LRRC4C: variants seen among roughly 807,000 people sequenced by gnomAD.
The protein encoded by LRRC4C is leucine-rich repeat-containing protein 4C.
Under a neutral mutation model 33.6 loss-of-function variants are expected in LRRC4C, and 5 were observed. That is an observed-to-expected ratio of 0.15 (90% CI 0.08 to 0.31). The LOEUF is 0.31. Ranked by LOEUF, LRRC4C falls within the 10% of genes least tolerant of loss-of-function variation. The pLI, the probability that LRRC4C is intolerant of heterozygous loss-of-function variation, is 1.00. For missense variants in LRRC4C, 560 were observed against 796.7 expected (o/e 0.70, Z 3.58); for synonymous variants, 329 against 302.0 (o/e 1.09, Z -0.93).
intron 2 of LRRC4C, among the ~76,000 whole-genome samples, chr11:40,910,500 C>T (rs902667968): frequency 3.3e-5 from 5 of 152,282 alleles, no homozygotes; most frequent in African/African-American, 9.6e-5. Context: ...GCAAATACGC[C>T]TTTGATGAAA....
At chr11:41,454,331 CTTG>C (rs1956115172) in intron 1 of LRRC4C, among the ~76,000 whole-genome samples, 1 of 152,092 alleles carries the variant, frequency 6.6e-6, no homozygotes, top group Non-Finnish European at 1.5e-5. Flanking sequence ...AATCTTAATT[CTTG>C]TTAACTATCA....
intron 2 of LRRC4C, among the ~76,000 whole-genome samples, chr11:40,872,520 T>A (rs1171080538): frequency 1.3e-5 from 2 of 152,128 alleles, no homozygotes. Context: ...GTAAAGTGAA[T>A]AATTTTCGAC....
intron 1 of LRRC4C, among the ~76,000 whole-genome samples, chr11:41,302,842 A>G (rs1006450654): frequency 1.3e-5 from 2 of 152,044 alleles, no homozygotes; most frequent in Non-Finnish European, 2.9e-5. Context: ...ACAATTGCCC[A>G]CTATACTCCC....
chr11:40,890,685 A>T (rs1267392102), intron 2 of LRRC4C, among the ~76,000 whole-genome samples: 3 of 152,088 alleles, frequency 2.0e-5, no homozygotes, highest in Non-Finnish European at 4.4e-5. Context: ...AAAATACAGA[A>T]TGGGATTCCC....
Position 40,179,608 on chromosome 11 carries a change from G to A in LRRC4C, c.-95-38755C>T, listed in dbSNP as rs143010614. Among the ~76,000 whole-genome samples the A allele has an allele frequency of 1.2e-3, 176 of 152,256 alleles. 3 individuals carry two copies. In the East Asian group the frequency reaches 0.032, roughly 28 times the overall value. On this transcript the variant is annotated intron_variant, in intron 5 of 6. Transcript: ENST00000528697. The stretch of plus-strand genomic sequence containing the variant: ...TTGTCTTCTTCTCCCCGGAGACTGA[G>A]TGCTTCTCAAGGGCAGGGCCATAGG...
intron 1 of LRRC4C, among the ~76,000 whole-genome samples, chr11:41,400,202 T>A (rs1198889423): frequency 6.6e-6 from 1 of 151,940 alleles, no homozygotes; most frequent in Admixed American, 6.6e-5. Flanking sequence ...TTAGTTTTAG[T>A]AAGAGTAAAA....
chr11:40,407,734 GC>G (rs1950011744), intron 3 of LRRC4C, among the ~76,000 whole-genome samples: 1 of 151,964 alleles, frequency 6.6e-6, no homozygotes, highest in African/African-American at 2.4e-5. Context: ...ATATGGTTAG[GC>G]AATTTAAACC....
chr11:40,581,197 C>T (rs932243719), intron 3 of LRRC4C, among the ~76,000 whole-genome samples: 7 of 152,194 alleles, frequency 4.6e-5, no homozygotes, highest in Non-Finnish European at 8.8e-5. Context: ...CATCGAATGT[C>T]AACATGTTCA....
intron 1 of LRRC4C, among the ~76,000 whole-genome samples, chr11:40,995,432 C>T (rs1296584271): frequency 6.6e-6 from 1 of 151,982 alleles, no homozygotes; most frequent in Non-Finnish European, 1.5e-5. Context: ...AACAACATGG[C>T]TAAATCACCA....
At chr11:41,284,704 C>G (rs1015509902) in intron 1 of LRRC4C, among the ~76,000 whole-genome samples, 2 of 152,160 alleles carry the variant, frequency 1.3e-5, no homozygotes, top group African/African-American at 4.8e-5. Flanking sequence ...AAGAAGAGAA[C>G]TTTCAGGTCA....
At chr11:40,602,215 A>AAG (rs1960091520) in intron 3 of LRRC4C, among the ~76,000 whole-genome samples, 1 of 151,188 alleles carries the variant, frequency 6.6e-6, no homozygotes, top group Non-Finnish European at 1.5e-5. Flanking sequence ...AAAAAAGAAA[A>AAG]AAAAAGAGGT....
At chr11:41,181,015 GAAA>G (rs930642455) in intron 1 of LRRC4C, among the ~76,000 whole-genome samples, 8 of 149,484 alleles carry the variant, frequency 5.4e-5, no homozygotes, top group African/African-American at 2.0e-4. Context: ...TTTGGGAGAA[GAAA>G]AAAAAAGAAA....
At chr11:40,286,675 G>GT (rs556413148) in intron 4 of LRRC4C, among the ~76,000 whole-genome samples, 53 of 152,270 alleles carry the variant, frequency 3.5e-4, no homozygotes, top group Middle Eastern at 3.4e-3. Context: ...CAATTATTGA[G>GT]TGCCAGTCAT....
chr11:40,496,784 TCACCCTCCGACC>T (rs1828930430), intron 3 of LRRC4C, among the ~76,000 whole-genome samples: 1 of 152,168 alleles, frequency 6.6e-6, no homozygotes. Context: ...GTTAATCCAA[TCACCCTCCGACC>T]CAGCGTGAGA....
At position 41,197,342 on chromosome 11, in the gene LRRC4C, A is replaced by G. The variant is rs141723922; in HGVS notation, c.-496+262089T>C. On this transcript the variant is annotated intron_variant, in intron 1 of 6. Coordinates refer to ENST00000528697, the MANE Select transcript of LRRC4C (RefSeq NM_001258419.2). ...ATGGTGGATTCTGATGCCTATCCTG[A>G]CATTGAGGAAGACAGGCTTATCATT... 8.5e-5 allele frequency among the ~76,000 whole-genome samples: 13 copies of G among 152,144 alleles called. No individual in the cohort carries two copies. The East Asian group carries it at 2.1e-3, about 25-fold the overall frequency.
chr11:40,175,570 C>A (rs911218958), intron 5 of LRRC4C, among the ~76,000 whole-genome samples: 1 of 152,202 alleles, frequency 6.6e-6, no homozygotes, highest in African/African-American at 2.4e-5. Context: ...TCTTCCTCTG[C>A]AGAGTGATGG....
chr11:41,384,974 T>A (rs1319369215), intron 1 of LRRC4C, among the ~76,000 whole-genome samples: 1 of 150,440 alleles, frequency 6.6e-6, no homozygotes, highest in Admixed American at 6.6e-5. Context: ...TGTAGTATAA[T>A]AAAGAAAAAC....
intron 3 of LRRC4C, among the ~76,000 whole-genome samples, chr11:40,377,438 C>T (rs1035300333): frequency 1.7e-4 from 26 of 152,076 alleles, no homozygotes; most frequent in Admixed American, 1.3e-4. Flanking sequence ...GGTTACTTGC[C>T]TATGTTTCAA....
At chr11:41,044,848 C>A (rs945164395) in intron 1 of LRRC4C, among the ~76,000 whole-genome samples, 1 of 152,046 alleles carries the variant, frequency 6.6e-6, no homozygotes, top group South Asian at 2.1e-4. Flanking sequence ...ATCCAAGTCT[C>A]CTCTAAAATA....
Sources: allele counts gnomAD v4.1 joint callset (sites outside exome capture counted in the v4.1 genomes callset), GRCh38; gene constraint gnomAD v4.1.1; transcripts MANE v1.5; gene names NCBI Gene and HGNC (gene_info 2026-07-23, HGNC 2026-07-21).